The following FAR2 variants were observed in gnomAD, a reference collection of about 807,000 sequenced individuals.
The protein encoded by FAR2 is fatty acyl-CoA reductase 2.
Under a neutral mutation model 56.0 loss-of-function variants are expected in FAR2, and 19 were observed. The ratio of observed to expected loss-of-function variants is 0.34; its 90% confidence interval spans 0.24 to 0.50. The LOEUF is 0.50. Among genes scored for constraint, FAR2 ranks in the 20% least tolerant of loss-of-function variants. FAR2 has a pLI of 0.98. For missense variants in FAR2, 508 were observed against 642.2 expected, an observed-to-expected ratio of 0.79 and a Z score of 2.26; for synonymous variants, 219 against 218.8, an observed-to-expected ratio of 1.00 and a Z score of -0.01.
At chr12:29,272,112 G>A (rs545126188) in intron 2 of FAR2, among the ~76,000 whole-genome samples, 1 of 152,112 alleles carries the variant, frequency 6.6e-6, no homozygotes, top group South Asian at 2.1e-4. Context: ...TGTTTTCTTG[G>A]GGTTGATCTT....
At chr12:29,155,704 C>A (rs933975185) in intron 1 of FAR2, among the ~76,000 whole-genome samples, 3 of 152,154 alleles carry the variant, frequency 2.0e-5, no homozygotes, top group Non-Finnish European at 2.9e-5. Context: ...CAGAAAACAG[C>A]TTGTATCATT....
intron 9 of FAR2, among the ~76,000 whole-genome samples, chr12:29,321,415 T>TCTCAAA (rs1386740532): frequency 6.6e-6 from 1 of 151,994 alleles, no homozygotes; most frequent in Non-Finnish European, 1.5e-5. Flanking sequence ...GGTGACAGAG[T>TCTCAAA]AAGACCCTGT....
chr12:29,271,918 G>A (rs1948625158), intron 2 of FAR2, among the ~76,000 whole-genome samples: 1 of 152,156 alleles, frequency 6.6e-6, no homozygotes, highest in South Asian at 2.1e-4. Context: ...CCTAGTAGAG[G>A]AAAAATTGGA....
At chr12:29,257,823 T>A (rs944887199) in intron 1 of FAR2, among the ~76,000 whole-genome samples, 1 of 152,082 alleles carries the variant, frequency 6.6e-6, no homozygotes, top group Non-Finnish European at 1.5e-5. Flanking sequence ...ACTGTAACAC[T>A]CACCACGAGG....
At chr12:29,298,415 TTAA>T (rs1280330862) in intron 4 of FAR2, among the ~76,000 whole-genome samples, 1 of 151,958 alleles carries the variant, frequency 6.6e-6, no homozygotes, top group African/African-American at 2.4e-5. Flanking sequence ...TATATACTCT[TTAA>T]AAAGTTTTAG....
At chr12:29,240,136 A>G (rs995954834) in intron 1 of FAR2, among the ~76,000 whole-genome samples, 2 of 152,246 alleles carry the variant, frequency 1.3e-5, no homozygotes, top group Admixed American at 6.5e-5. Context: ...AGCGTGGCTC[A>G]TAAGATTCAC....
At chr12:29,164,917 G>A (rs1394759830) in intron 1 of FAR2, among the ~76,000 whole-genome samples, 1 of 152,222 alleles carries the variant, frequency 6.6e-6, no homozygotes, top group African/African-American at 2.4e-5. Context: ...TATGAGTGGA[G>A]TTCCTTACAG....
chr12:29,284,807 A>C (rs1262858844), intron 2 of FAR2, among the ~76,000 whole-genome samples: 3 of 151,472 alleles, frequency 2.0e-5, no homozygotes, highest in Admixed American at 6.6e-5. Flanking sequence ...CCAATGAAAG[A>C]AGCACACAGT....
chr12:29,158,839 G>A (rs570283467), intron 1 of FAR2, among the ~76,000 whole-genome samples: 2 of 152,300 alleles, frequency 1.3e-5, no homozygotes, highest in South Asian at 4.1e-4. Flanking sequence ...GAAAATAAAA[G>A]CCAGTCCTGA....
intron 1 of FAR2, among the ~76,000 whole-genome samples, chr12:29,179,383 G>A (rs1024372230): frequency 6.6e-6 from 1 of 152,176 alleles, no homozygotes; most frequent in African/African-American, 2.4e-5. Flanking sequence ...GTAGTTCAGA[G>A]ATTTTATTTC....
chr12:29,223,500 C>A (rs11050138), intron 1 of FAR2, among the ~76,000 whole-genome samples: 10,073 of 152,186 alleles, frequency 0.066, 825 homozygotes, highest in African/African-American at 0.19. Flanking sequence ...AATGAATTAA[C>A]AAAAGGACTG....
chr12:29,161,933 A>G (rs896943078), intron 1 of FAR2, among the ~76,000 whole-genome samples: 2 of 6,382 alleles, frequency 3.1e-4, no homozygotes, highest in Admixed American at 3.6e-3. Context: ...TTCTCTTGTG[A>G]TGTCCCCCAA....
chr12:29,196,642 ACAT>A, intron 1 of FAR2, among the ~76,000 whole-genome samples: 2 of 152,194 alleles, frequency 1.3e-5, no homozygotes, highest in Admixed American at 1.3e-4. Flanking sequence ...TACATGTAAG[ACAT>A]GAAACTACAA....
intron 1 of FAR2, among the ~76,000 whole-genome samples, chr12:29,152,353 A>C (rs1461214757): frequency 6.6e-6 from 1 of 152,240 alleles, no homozygotes; most frequent in Admixed American, 6.5e-5. Flanking sequence ...GTCTCTTGCC[A>C]AATACACCTA....
Position 29,311,019 on chromosome 12 carries a change from C to T in FAR2, c.769-9C>T. 2 of 1,599,696 alleles carry T rather than the reference C, an allele frequency of 1.3e-6. No homozygotes were observed. The highest frequency in any genetic ancestry group is 1.7e-6 in the Non-Finnish European group (2 of 1,167,302). On this transcript the variant is annotated splice_polypyrimidine_tract_variant and intron_variant, in intron 6 of 11. Coordinates refer to ENST00000536681, the MANE Select transcript of FAR2 (RefSeq NM_001271783.2). ...TGGTTTAATATTTTATGTTCTTTTTCCTATGCAGACTGGGAAAGGGTTTCT... is the reference window on the plus strand; with the variant it reads ...TGGTTTAATATTTTATGTTCTTTTTTCTATGCAGACTGGGAAAGGGTTTCT...
intron 6 of FAR2, among the ~76,000 whole-genome samples, chr12:29,310,174 T>C (rs1362028882): frequency 6.6e-6 from 1 of 152,218 alleles, no homozygotes; most frequent in Non-Finnish European, 1.5e-5. Flanking sequence ...ACTTAGAACA[T>C]CATTATTTTA....
Position 29,270,479 on chromosome 12 carries a change from C to A in FAR2, c.30C>A (p.Gly10=). 1 of 1,596,060 alleles carries A rather than the reference C, an allele frequency of 6.3e-7. No individual in the cohort carries two copies. The highest frequency in any genetic ancestry group is 1.1e-5 in the South Asian group (1 of 89,142). Residue 10 remains glycine (G), a synonymous_variant, in exon 2 of 12, where the codon GGC becomes GGA. Coordinates refer to ENST00000536681, the MANE Select transcript of FAR2 (RefSeq NM_001271783.2). The stretch of plus-strand genomic sequence containing the variant: ...CCACAATTGCAGCTTTCTATGGCGG[C>A]AAGTCCATTCTCATCACGGGGGCCA... MSTIAAFYG[G]KSILITGATG...
At chr12:29,150,966 G>A (rs150180238) in intron 1 of FAR2, among the ~76,000 whole-genome samples, 5 of 152,330 alleles carry the variant, frequency 3.3e-5, no homozygotes, top group African/African-American at 1.2e-4. Context: ...GTGACATCCA[G>A]TTACAGAGGA....
chr12:29,163,182 G>A (rs1006780710), intron 1 of FAR2, among the ~76,000 whole-genome samples: 1 of 152,194 alleles, frequency 6.6e-6, no homozygotes, highest in African/African-American at 2.4e-5. Context: ...AGCCTCTAGA[G>A]CTAGTCTACA....
Sources: gnomAD v4.1 joint callset for allele counts (sites outside exome capture counted in the v4.1 genomes callset) on GRCh38, gnomAD v4.1.1 for gene constraint, MANE v1.5 for transcripts, NCBI Gene and HGNC (gene_info 2026-07-23, HGNC 2026-07-21) for gene names.